Variants in TEX11 observed in about 807,000 individuals in gnomAD.
TEX11 encodes testis expressed 11.
TEX11 carries 7 observed loss-of-function variants against 84.4 expected under a neutral mutation model. The ratio of observed to expected loss-of-function variants is 0.08; its 90% CI spans 0.05 to 0.16. The LOEUF (loss-of-function observed/expected upper bound fraction) is 0.16. Among genes scored for constraint, TEX11 ranks in the 10% least tolerant of loss-of-function variants. The pLI is 1.00. For missense variants in TEX11, 551 were observed against 660.5 expected (o/e 0.83, Z 1.82); for synonymous variants, 264 against 222.8 (o/e 1.18, Z -1.64).
At chrX:70,662,991 G>C (rs942042422) in intron 16 of TEX11, among the ~76,000 whole-genome samples, 1 of 111,624 alleles carries the variant, frequency 9.0e-6, no homozygotes, top group Non-Finnish European at 1.9e-5. Flanking sequence ...ATGCATTTTT[G>C]TATGTAAATT....
At chrX:70,607,237 G>A (rs1761930924) in intron 22 of TEX11, among the ~76,000 whole-genome samples, 1 of 110,978 alleles carries the variant, frequency 9.0e-6, no homozygotes, top group African/African-American at 3.3e-5. Flanking sequence ...TTCAACACTA[G>A]ACCAATGACC....
At chrX:70,585,726 C>T (rs1428226079) in intron 25 of TEX11, among the ~76,000 whole-genome samples, 1 of 112,133 alleles carries the variant, frequency 8.9e-6, no homozygotes, top group Non-Finnish European at 1.9e-5. Context: ...TGATTTTCAA[C>T]AAGGGTGTCA....
In TEX11 at chrX:70,778,742, A is replaced by G. The variant is rs760841286; in HGVS notation, c.692+27963T>C. On this transcript the variant is annotated intron_variant, in intron 9 of 29. Transcript: ENST00000374333. The stretch of plus-strand genomic sequence containing the variant: ...AACTCCTGGGCTCAAGCGATCCTTG[A>G]GCTTTTAAAATTTTGAAATTTAAAA... Among the ~76,000 whole-genome samples, 251 of 111,300 alleles carry G rather than the reference A, an allele frequency of 2.3e-3. 3 individuals are homozygous for G. Among genetic ancestry groups the G allele is most frequent in the Non-Finnish European group, 7.7e-4 (41 of 53,123 alleles).
chrX:70,661,327 GA>G (rs1439891477), intron 16 of TEX11, among the ~76,000 whole-genome samples: 4 of 112,334 alleles, frequency 3.6e-5, no homozygotes, highest in African/African-American at 1.3e-4. Flanking sequence ...AAAGCTGGGG[GA>G]GGGGCGCCCG....
intron 9 of TEX11, among the ~76,000 whole-genome samples, chrX:70,776,326 C>G (rs1051640958): frequency 5.4e-5 from 6 of 110,500 alleles, no homozygotes; most frequent in African/African-American, 2.0e-4. Flanking sequence ...CTTTGGGGGG[C>G]CGAGGTGGGT....
intron 13 of TEX11, among the ~76,000 whole-genome samples, chrX:70,695,681 T>C (rs1214188873): frequency 8.9e-6 from 1 of 112,080 alleles, no homozygotes; most frequent in Non-Finnish European, 1.9e-5. Context: ...TGGGCATTTC[T>C]TTGCATAATT....
At chrX:70,863,795 T>C (rs1236438750) in intron 4 of TEX11, among the ~76,000 whole-genome samples, 6 of 111,456 alleles carry the variant, frequency 5.4e-5, no homozygotes, top group Non-Finnish European at 1.1e-4. Flanking sequence ...TAAAGGAGCA[T>C]GTTCTACCCA....
intron 7 of TEX11, among the ~76,000 whole-genome samples, chrX:70,852,169 G>A (rs1357628807): frequency 1.8e-5 from 2 of 111,607 alleles, no homozygotes; most frequent in Non-Finnish European, 3.8e-5. Flanking sequence ...ATAAAAAAGG[G>A]GACTTTTCTT....
chrX:70,725,127 C>T, intron 12 of TEX11, 135 bp downstream of exon 12: 1 of 346,211 alleles, frequency 2.9e-6, no homozygotes. Context: ...AATATTTTCC[C>T]TTTCCTGGGT....
At chrX:70,799,404 G>C (rs775774800) in intron 9 of TEX11, among the ~76,000 whole-genome samples, 1 of 111,996 alleles carries the variant, frequency 8.9e-6, no homozygotes, top group South Asian at 3.7e-4. Context: ...GGAATGAGCA[G>C]GAACATTGTT....
chrX:70,592,574 A>G (rs1384062813), intron 24 of TEX11, among the ~76,000 whole-genome samples: 1 of 111,328 alleles, frequency 9.0e-6, no homozygotes, highest in Non-Finnish European at 1.9e-5. Context: ...ATCTCATCTC[A>G]TCTCAGCTCT....
intron 2 of TEX11, among the ~76,000 whole-genome samples, chrX:70,893,331 C>A (rs187120185): frequency 4.5e-5 from 5 of 111,438 alleles, no homozygotes; most frequent in Non-Finnish European, 9.4e-5. Context: ...TGCAAAAGAA[C>A]GGAAATCATA....
intron 9 of TEX11, among the ~76,000 whole-genome samples, chrX:70,800,863 A>C (rs1240398071): frequency 1.8e-5 from 2 of 110,168 alleles, no homozygotes; most frequent in Non-Finnish European, 3.8e-5. Flanking sequence ...CAGCTTAGAT[A>C]ATTAGAAAAC....
the TEX11 span, among the ~76,000 whole-genome samples, chrX:70,517,899 T>A: frequency 0.061 from 6,800 of 111,230 alleles, 180 homozygotes; most frequent in African/African-American, 0.094. Context: ...ATTTTCTAGT[T>A]TATTTGCGTA....
intron 17 of TEX11, among the ~76,000 whole-genome samples, chrX:70,639,113 C>T (rs2089612886): frequency 8.9e-6 from 1 of 111,808 alleles, no homozygotes; most frequent in South Asian, 3.7e-4. Context: ...GGGGGAAGCG[C>T]AAGGGGTCAG....
At chrX:70,779,547 A>T (rs768785544) in intron 9 of TEX11, among the ~76,000 whole-genome samples, 1 of 111,693 alleles carries the variant, frequency 9.0e-6, no homozygotes, top group East Asian at 2.8e-4. Flanking sequence ...CAGAAAAAAA[A>T]TAAAGATCAG....
intron 25 of TEX11, among the ~76,000 whole-genome samples, chrX:70,579,429 G>A (rs776367220): frequency 1.0e-4 from 11 of 107,385 alleles, no homozygotes; most frequent in African/African-American, 2.4e-4. Flanking sequence ...CCCAGGAGGC[G>A]GAGCTTACAG....
intron 17 of TEX11, among the ~76,000 whole-genome samples, chrX:70,641,192 G>A (rs1420782782): frequency 1.8e-5 from 2 of 111,537 alleles, no homozygotes; most frequent in African/African-American, 6.5e-5. Context: ...TAATGGTAAA[G>A]GGATCAATTC....
At chrX:70,547,123 A>T (rs1188228890) in intron 28 of TEX11, among the ~76,000 whole-genome samples, 1 of 109,291 alleles carries the variant, frequency 9.1e-6, no homozygotes, top group Non-Finnish European at 1.9e-5. Flanking sequence ...AATAAGCCAG[A>T]CACAAGAGGC....
Sources: allele counts gnomAD v4.1 joint callset (sites outside exome capture counted in the v4.1 genomes callset), GRCh38; gene constraint gnomAD v4.1.1; transcripts MANE v1.5; gene names NCBI Gene and HGNC (gene_info 2026-07-23, HGNC 2026-07-21).